Variants in ISM1 observed in about 807,000 individuals in gnomAD.
ISM1 encodes isthmin-1.
ISM1 carries 25 observed loss-of-function variants against 46.3 expected under a neutral mutation model. That is an observed-to-expected ratio of 0.54 (90% CI 0.39 to 0.75). The LOEUF is 0.75. Among genes scored for constraint, ISM1 ranks in the 30% least tolerant of loss-of-function variants. ISM1 has a pLI of 0.00. For missense variants in ISM1, 536 were observed against 625.4 expected (o/e 0.86, Z 1.52); for synonymous variants, 255 against 256.7 (o/e 0.99, Z 0.06).
chr20:13,298,466 G>A (rs188852290), intron 5 of ISM1, among the ~76,000 whole-genome samples: 1 of 152,288 alleles, frequency 6.6e-6, no homozygotes, highest in East Asian at 1.9e-4. Context: ...TCTTAAGTTT[G>A]TTAGGAGTGA....
At chr20:13,257,711 T>TAA (rs1333426124) in intron 1 of ISM1, among the ~76,000 whole-genome samples, 1,427 of 141,646 alleles carry the variant, frequency 0.01, 15 homozygotes, top group Middle Eastern at 0.018. Flanking sequence ...GTATTTTCCT[T>TAA]AAAAAAAAAA....
In ISM1 at chr20:13,296,973, ATGCCACTG is replaced by A. The variant is rs1032310548; in HGVS notation, c.878-1968_878-1961del. Among the ~76,000 whole-genome samples the A allele has an allele frequency of 2.1e-3, 317 of 152,220 alleles. 2 individuals carry two copies. Among genetic ancestry groups the A allele is most frequent in the African/African-American group, 7.2e-3 (298 of 41,550 alleles). Reference sequence around the variant, plus strand: ...GCAGAGGTTGCAGTGAGCTGAGATCATGCCACTGCATTCTAGCCTGGGTGACATAGTGA... The same window carrying A: ...GCAGAGGTTGCAGTGAGCTGAGATCACATTCTAGCCTGGGTGACATAGTGA... On this transcript the variant is annotated intron_variant, in intron 5 of 5. Transcript: ENST00000262487.
At chr20:13,326,523 T>A in the ISM1 span, among the ~76,000 whole-genome samples, 2 of 114,108 alleles carry the variant, frequency 1.8e-5, no homozygotes, top group South Asian at 5.0e-4. Flanking sequence ...TCACCAACAC[T>A]TGGTATGAAT....
chr20:13,221,926 G>A lies in ISM1; in HGVS notation c.138+12G>A. 1.5e-6 allele frequency: 2 copies of A among 1,324,848 alleles called. No individual in the cohort carries two copies. Among genetic ancestry groups the A allele is most frequent in the Non-Finnish European group, 1.9e-6 (2 of 1,043,228 alleles). The allele number at this position is 1,324,848 out of a possible 1,614,324, so 82.1% of individuals were successfully genotyped here. A position where few individuals can be genotyped will look rare whatever the true frequency, so the allele number is the denominator to read the frequency against. On this transcript the variant is annotated intron_variant, in intron 1 of 5. Coordinates refer to ENST00000262487, the MANE Select transcript of ISM1 (RefSeq NM_080826.2). ...AAGCCCAGCTGCAGGTGAGTGCGCC[G>A]CCGGAGAGGGCCGTGCGCGGCTGCG...
chr20:13,238,510 C>T (rs1459803102), intron 1 of ISM1, among the ~76,000 whole-genome samples: 1 of 152,156 alleles, frequency 6.6e-6, no homozygotes, highest in Non-Finnish European at 1.5e-5. Flanking sequence ...CCAATACCCA[C>T]ATGGACATCA....
At chr20:13,242,776 C>A (rs143717301) in intron 1 of ISM1, among the ~76,000 whole-genome samples, 133 of 152,264 alleles carry the variant, frequency 8.7e-4, no homozygotes, top group Non-Finnish European at 1.3e-3. Context: ...GTGAGGTTGG[C>A]AGCCATAGCT....
At chr20:13,271,697 A>G (rs1174675670) in intron 2 of ISM1, among the ~76,000 whole-genome samples, 2 of 152,182 alleles carry the variant, frequency 1.3e-5, no homozygotes, top group African/African-American at 4.8e-5. Flanking sequence ...TTTCCTCCCA[A>G]AGATGGTCCC....
chr20:13,231,224 T>C (rs866696579), intron 1 of ISM1, among the ~76,000 whole-genome samples: 1 of 152,184 alleles, frequency 6.6e-6, no homozygotes, highest in Non-Finnish European at 1.5e-5. Context: ...AGAGTTTCCA[T>C]GAGGCCCCTG....
intron 5 of ISM1, among the ~76,000 whole-genome samples, chr20:13,297,916 T>C (rs1199054197): frequency 6.6e-6 from 1 of 152,104 alleles, no homozygotes; most frequent in African/African-American, 2.4e-5. Flanking sequence ...CCCGGGCTCC[T>C]TCCTCTTTGA....
intron 5 of ISM1, among the ~76,000 whole-genome samples, chr20:13,296,846 C>T (rs192172294): frequency 2.4e-4 from 36 of 152,220 alleles, no homozygotes; most frequent in Admixed American, 5.2e-4. Context: ...GGTGAAACCC[C>T]GTCTCTACTA....
intron 1 of ISM1, among the ~76,000 whole-genome samples, chr20:13,233,377 C>T (rs1011874398): frequency 2.0e-5 from 3 of 152,024 alleles, no homozygotes; most frequent in African/African-American, 2.4e-5. Context: ...GGGTGGATCA[C>T]CTGAGGTCGG....
chr20:13,224,592 T>C (rs1213621854), intron 1 of ISM1, among the ~76,000 whole-genome samples: 1 of 152,198 alleles, frequency 6.6e-6, no homozygotes, highest in Admixed American at 6.5e-5. Context: ...TTTTTATTGT[T>C]TTTATCTCTG....
the ISM1 span, among the ~76,000 whole-genome samples, chr20:13,316,510 C>T: frequency 6.6e-6 from 1 of 151,872 alleles, no homozygotes; most frequent in Admixed American, 6.6e-5. Flanking sequence ...ACCAACATAT[C>T]TCATGAATAT....
In ISM1 at chr20:13,221,926, G is replaced by T. The variant is rs1451584548; in HGVS notation, c.138+12G>T. ...AAGCCCAGCTGCAGGTGAGTGCGCC[G>T]CCGGAGAGGGCCGTGCGCGGCTGCG... On this transcript the variant is annotated intron_variant, in intron 1 of 5. Transcript: ENST00000262487. 1.5e-6 allele frequency: 2 copies of T among 1,324,730 alleles called. No individual in the cohort carries two copies. The highest frequency in any genetic ancestry group is 4.1e-5 in the Admixed American group (1 of 24,176). The allele number at this position is 1,324,730 out of a possible 1,614,324, so 82.1% of individuals were successfully genotyped here.
At chr20:13,281,407 G>A (rs763213411) in intron 3 of ISM1, among the ~76,000 whole-genome samples, 4 of 152,180 alleles carry the variant, frequency 2.6e-5, no homozygotes, top group African/African-American at 7.2e-5. Context: ...GAGGAAAGAC[G>A]GGATAATAGC....
At chr20:13,243,735 C>T (rs778688485) in intron 1 of ISM1, among the ~76,000 whole-genome samples, 1 of 152,174 alleles carries the variant, frequency 6.6e-6, no homozygotes. Context: ...TATCCATCAC[C>T]GTTAAGCATC....
Position 13,269,108 on chromosome 20 carries a change from G to A in ISM1, c.139-1396G>A, listed in dbSNP as rs373466060. ...CACTGTGGTGGGGGGCAAAGAGGGCGTGTGGAGACAGTGTGCTGAAATATA... is the reference window on the plus strand; with the variant it reads ...CACTGTGGTGGGGGGCAAAGAGGGCATGTGGAGACAGTGTGCTGAAATATA... On this transcript the variant is annotated intron_variant, in intron 1 of 5. Transcript: ENST00000262487. Among the ~76,000 whole-genome samples the A allele has an allele frequency of 4.3e-4, 65 of 152,246 alleles. No individual in the cohort carries two copies. In the East Asian group the frequency reaches 6.0e-3, roughly 14 times the overall value.
At chr20:13,238,881 C>T (rs1448308705) in intron 1 of ISM1, 2 of 152,248 alleles carry the variant, frequency 1.3e-5, no homozygotes, top group African/African-American at 4.8e-5. Context: ...CCCATTACTC[C>T]TGAAAAGGTT....
At chr20:13,275,941 T>A (rs1212259370) in intron 2 of ISM1, among the ~76,000 whole-genome samples, 2 of 152,342 alleles carry the variant, frequency 1.3e-5, no homozygotes, top group Non-Finnish European at 2.9e-5. Flanking sequence ...GAAGGGACAG[T>A]AATGCCTAGA....
Sources: allele counts gnomAD v4.1 joint callset (sites outside exome capture counted in the v4.1 genomes callset), GRCh38; gene constraint gnomAD v4.1.1; transcripts MANE v1.5; gene names NCBI Gene and HGNC (gene_info 2026-07-23, HGNC 2026-07-21).